Variants in CNTNAP5 observed in about 807,000 individuals in gnomAD.
CNTNAP5 encodes the protein contactin associated protein family member 5.
In CNTNAP5, 72 loss-of-function variants were observed where a neutral mutation model predicts 150.2. The ratio of observed to expected loss-of-function variants is 0.48; its 90% CI spans 0.40 to 0.58. CNTNAP5 has a LOEUF of 0.58. Among genes scored for constraint, CNTNAP5 ranks in the 20% least tolerant of loss-of-function variants. CNTNAP5 has a pLI of 0.00. For synonymous variants in CNTNAP5, 672 were observed against 619.8 expected (o/e 1.08, Z -1.25); for missense variants, 1,636 against 1,626.2 (o/e 1.01, Z -0.10).
intron 1 of CNTNAP5, among the ~76,000 whole-genome samples, chr2:124,052,209 T>A (rs908033059): frequency 6.6e-6 from 1 of 152,214 alleles, no homozygotes; most frequent in African/African-American, 2.4e-5. Context: ...AAGACAGTGA[T>A]ATGATCCTTA....
intron 3 of CNTNAP5, among the ~76,000 whole-genome samples, chr2:124,258,826 G>A (rs533260337): frequency 4.0e-5 from 6 of 151,892 alleles, no homozygotes; most frequent in Admixed American, 6.6e-5. Context: ...AAACAATCTC[G>A]AATAATTTTA....
chr2:124,403,960 TG>T (rs1691499071), intron 3 of CNTNAP5, among the ~76,000 whole-genome samples: 1 of 152,114 alleles, frequency 6.6e-6, no homozygotes, highest in African/African-American at 2.4e-5. Flanking sequence ...GAGAATAGCA[TG>T]GAAAAAAACC....
intron 10 of CNTNAP5, among the ~76,000 whole-genome samples, chr2:124,530,161 C>T (rs1173797074): frequency 2.0e-5 from 3 of 152,022 alleles, no homozygotes; most frequent in African/African-American, 7.2e-5. Flanking sequence ...AAAATAAAAA[C>T]TAGCCAGGTG....
rs3980963 is a variant in CNTNAP5 at position 124,541,179 on chromosome 2, A to ATTTTTTTTTTTTTTTTT, written c.1649+13724_1649+13740dup. Among the ~76,000 whole-genome samples the ATTTTTTTTTTTTTTTTT allele has an allele frequency of 6.3e-4, 52 of 83,066 alleles. 1 individual carries two copies. Among genetic ancestry groups the ATTTTTTTTTTTTTTTTT allele is most frequent in the Non-Finnish European group, 8.7e-4 (38 of 43,670 alleles). The allele number at this position is 83,066 out of a possible 152,430, so 54.5% of individuals were successfully genotyped here. ...AGAGGATAAGAAGTACAAAATTCCGATTTTTTTTTTTTTTTTTGGTGAGAA... is the reference window on the plus strand; with the variant it reads ...AGAGGATAAGAAGTACAAAATTCCGATTTTTTTTTTTTTTTTTTTTTTTTTTTTTTTTTTGGTGAGAA... On this transcript the variant is annotated intron_variant, in intron 10 of 23. Coordinates refer to ENST00000682447, the MANE Select transcript of CNTNAP5 (RefSeq NM_001367498.1).
intron 1 of CNTNAP5, among the ~76,000 whole-genome samples, chr2:124,055,134 A>G (rs1260607968): frequency 1.3e-5 from 2 of 152,204 alleles, no homozygotes; most frequent in African/African-American, 4.8e-5. Context: ...GAAGCCAACC[A>G]AATGTTTCCT....
chr2:124,320,412 G>T (rs181146896), intron 3 of CNTNAP5, among the ~76,000 whole-genome samples: 18 of 152,274 alleles, frequency 1.2e-4, no homozygotes, highest in Admixed American at 1.1e-3. Context: ...TAATATTGAA[G>T]AACTTGTTGA....
chr2:124,505,009 A>AT (rs563309394), intron 8 of CNTNAP5, among the ~76,000 whole-genome samples: 396 of 151,408 alleles, frequency 2.6e-3, no homozygotes, highest in Middle Eastern at 0.01. Context: ...CCTGGCCAGC[A>AT]TTTTTTTTTC....
At chr2:124,603,642 C>G (rs558473858) in intron 11 of CNTNAP5, among the ~76,000 whole-genome samples, 26 of 152,136 alleles carry the variant, frequency 1.7e-4, no homozygotes, top group Non-Finnish European at 2.2e-4. Flanking sequence ...TACATTTATA[C>G]AAGAAAGACA....
chr2:124,142,696 C>G (rs1391698834), intron 1 of CNTNAP5, among the ~76,000 whole-genome samples: 2 of 121,278 alleles, frequency 1.6e-5, no homozygotes, highest in African/African-American at 3.3e-5. Context: ...AGGAAAGATC[C>G]AAAATTGACA....
In CNTNAP5 at chr2:124,753,860, A is replaced by T. The variant is rs544750509; in HGVS notation, c.2234+6475A>T. Among the ~76,000 whole-genome samples the T allele has an allele frequency of 5.3e-5, 8 of 152,324 alleles. No individual in the cohort carries two copies. The South Asian group carries it at 1.7e-3, about 32-fold the overall frequency. On this transcript the variant is annotated intron_variant, in intron 14 of 23. Transcript: ENST00000682447. ...TTTTTGTTGTTCAATTAAATGATTA[A>T]TTTTTTAAAAAGTAGTTACAAGTGA... is the stretch of plus-strand genomic sequence containing the variant.
chr2:124,768,144 A>G (rs907099685), intron 16 of CNTNAP5, among the ~76,000 whole-genome samples: 7 of 152,196 alleles, frequency 4.6e-5, no homozygotes, highest in African/African-American at 1.7e-4. Context: ...GTCGTCAGGG[A>G]GACAATCAAT....
chr2:124,788,197 T>A (rs917200834), intron 17 of CNTNAP5, among the ~76,000 whole-genome samples: 1 of 152,194 alleles, frequency 6.6e-6, no homozygotes, highest in Non-Finnish European at 1.5e-5. Flanking sequence ...TTAGCTTAAT[T>A]TGCCGGCTTG....
chr2:124,721,022 C>T (rs548049539), intron 13 of CNTNAP5, among the ~76,000 whole-genome samples: 3 of 152,060 alleles, frequency 2.0e-5, no homozygotes, highest in African/African-American at 4.8e-5. Flanking sequence ...TTTCCCGTAC[C>T]TCCTGAAGTG....
intron 19 of CNTNAP5, among the ~76,000 whole-genome samples, chr2:124,823,787 T>G (rs1682537072): frequency 6.6e-6 from 1 of 152,168 alleles, no homozygotes; most frequent in African/African-American, 2.4e-5. Context: ...ACAGTATATG[T>G]GAAATGCCAA....
At chr2:124,374,500 T>G (rs7564671) in intron 3 of CNTNAP5, among the ~76,000 whole-genome samples, 1 of 152,012 alleles carries the variant, frequency 6.6e-6, no homozygotes. Context: ...GTTCAAAATT[T>G]GAGCAGATGC....
intron 12 of CNTNAP5, among the ~76,000 whole-genome samples, chr2:124,619,110 C>T (rs75525910): frequency 0.079 from 12,094 of 152,200 alleles, 620 homozygotes; most frequent in African/African-American, 0.14. Context: ...ATACCTCCAT[C>T]GGATGATAAA....
chr2:124,898,134 A>T (rs1241518567), intron 21 of CNTNAP5, among the ~76,000 whole-genome samples: 1 of 151,396 alleles, frequency 6.6e-6, no homozygotes, highest in African/African-American at 2.5e-5. Flanking sequence ...TTACTTGTAT[A>T]TACTTCTCAT....
chr2:124,789,861 T>C (rs1289742332), intron 17 of CNTNAP5, 41 bp from the exon 18 acceptor site: 1 of 1,600,904 alleles, frequency 6.2e-7, no homozygotes, highest in East Asian at 2.2e-5. Flanking sequence ...TATTGAGCCC[T>C]ATAATACCTT....
chr2:124,638,609 T>A (rs916970682), intron 12 of CNTNAP5, among the ~76,000 whole-genome samples: 1 of 152,220 alleles, frequency 6.6e-6, no homozygotes, highest in Non-Finnish European at 1.5e-5. Context: ...AAAAGTCAAA[T>A]ACAGACAAAT....
Sources: gnomAD v4.1 joint callset for allele counts (sites outside exome capture counted in the v4.1 genomes callset) on GRCh38, gnomAD v4.1.1 for gene constraint, MANE v1.5 for transcripts, NCBI Gene and HGNC (gene_info 2026-07-23, HGNC 2026-07-21) for gene names.